Variants in TECPR2 observed in about 807,000 individuals in gnomAD.
The protein encoded by TECPR2 is tectonin beta-propeller repeat-containing protein 2.
In TECPR2, 65 loss-of-function variants were observed where a neutral mutation model predicts 138.1. The observed-to-expected ratio is 0.47, with a 90% confidence interval of 0.39 to 0.58. The LOEUF is 0.58. Ranked by LOEUF, TECPR2 falls within the 20% of genes least tolerant of loss-of-function variation. TECPR2 has a pLI of 0.00. For synonymous variants in TECPR2, 746 were observed against 749.8 expected, an observed-to-expected ratio of 0.99 and a Z score of 0.08; for missense variants, 1,553 against 1,824.5, an observed-to-expected ratio of 0.85 and a Z score of 2.71.
intron 17 of TECPR2, among the ~76,000 whole-genome samples, chr14:102,476,891 C>CA (rs1206735461): frequency 1.3e-5 from 2 of 151,462 alleles, no homozygotes; most frequent in Non-Finnish European, 2.9e-5. Context: ...CCCGTCTGTA[C>CA]AAAAAATACA....
At chr14:102,438,243 CGCTCG>C (rs781506165) in intron 10 of TECPR2, 38 bp downstream of exon 10, 10 of 1,389,814 alleles carry the variant, frequency 7.2e-6, no homozygotes, top group Non-Finnish European at 9.8e-6. Flanking sequence ...TCCCTGCTCC[CGCTCG>C]CCGCTCCTGC....
chr14:102,414,982 A>G (rs1595112365), intron 5 of TECPR2, among the ~76,000 whole-genome samples, 189 bp downstream of exon 5: 1 of 152,066 alleles, frequency 6.6e-6, no homozygotes, highest in African/African-American at 2.4e-5. Context: ...AGACAAGAAG[A>G]GTGTGTTCTT....
At chr14:102,372,689 G>C (rs931777123) in intron 1 of TECPR2, among the ~76,000 whole-genome samples, 3 of 152,128 alleles carry the variant, frequency 2.0e-5, no homozygotes, top group Non-Finnish European at 4.4e-5. Context: ...GGAGGCCAAG[G>C]TGGGTGGATC....
chr14:102,498,629 G>A lies in TECPR2; in HGVS notation c.*372G>A. ...CCAAGGGTAGCCGGGCAGCTGGTTT[G>A]GCCCAGGGCCTCCTTCCACATTAGT... On this transcript the variant is annotated 3_prime_UTR_variant, in exon 20 of 20. Coordinates refer to ENST00000359520, the MANE Select transcript of TECPR2 (RefSeq NM_014844.5). 2.5e-6 allele frequency: 1 copy of A among 406,290 alleles called. No homozygotes were observed. The highest frequency in any genetic ancestry group is 2.2e-5 in the South Asian group (1 of 46,140). 25.2% of individuals were successfully genotyped at this position (406,290 alleles called of 1,614,324 possible). A position where few individuals can be genotyped will look rare whatever the true frequency, so the allele number is the denominator to read the frequency against.
At chr14:102,398,837 C>T (rs1471475731) in intron 2 of TECPR2, among the ~76,000 whole-genome samples, 7 of 146,656 alleles carry the variant, frequency 4.8e-5, no homozygotes, top group Admixed American at 2.0e-4. Flanking sequence ...CCTGGCCTAC[C>T]GAATGAGACC....
In TECPR2 at chr14:102,434,782, C is replaced by G; in HGVS notation, c.1965C>G (p.Ser655Arg). Residue 655 changes from serine (S) to arginine (R), a missense_variant, in exon 9 of 20, where the codon AGC becomes AGG. Coordinates refer to ENST00000359520, the MANE Select transcript of TECPR2 (RefSeq NM_014844.5). ...CACTCACTGTGCCTTCCAGCCTCAG[C>G]TGGGCCCCAAGTGCTGAACAGTGGC... ...LNSLTVPSSL[S>R]WAPSAEQWLP... 1 of 1,613,396 alleles carries G rather than the reference C, an allele frequency of 6.2e-7. No individual in the cohort carries two copies. The highest frequency in any genetic ancestry group is 8.5e-7 in the Non-Finnish European group (1 of 1,180,034).
rs746250261 is a variant in TECPR2, at chr14:102,428,219, TTTG to T, written c.952-28_952-26del. 9.0e-4 allele frequency: 1,313 copies of T among 1,461,998 alleles called. 19 individuals carry two copies. The highest frequency in any genetic ancestry group is 1.2e-3 in the South Asian group (90 of 77,016). 90.6% of individuals were successfully genotyped at this position (1,461,998 alleles called of 1,614,324 possible). A position where few individuals can be genotyped will look rare whatever the true frequency, so the allele number is the denominator to read the frequency against. On this transcript the variant is annotated intron_variant, in intron 6 of 19. Coordinates refer to ENST00000359520, the MANE Select transcript of TECPR2 (RefSeq NM_014844.5). ...GTTACCGTTGTTTAGTTTTGTGTTT[TTTG>T]TTTTTTTTTTTTTTTTTTTTTTGAC...
chr14:102,432,692 C>T (rs1003234160), intron 8 of TECPR2, among the ~76,000 whole-genome samples: 5 of 151,108 alleles, frequency 3.3e-5, no homozygotes, highest in Non-Finnish European at 7.4e-5. Flanking sequence ...CCGCGCCTGG[C>T]ATAGTTTTTA....
chr14:102,487,922 A>G (rs1891071250), intron 17 of TECPR2, among the ~76,000 whole-genome samples: 1 of 145,880 alleles, frequency 6.9e-6, no homozygotes, highest in Non-Finnish European at 1.5e-5. Flanking sequence ...GCTCACCACA[A>G]CCTCTGCCTC....
chr14:102,371,659 G>A (rs1887512439), intron 1 of TECPR2, among the ~76,000 whole-genome samples: 1 of 152,152 alleles, frequency 6.6e-6, no homozygotes, highest in South Asian at 2.1e-4. Context: ...AGGCAGTTTG[G>A]CAATACATTT....
At chr14:102,373,025 A>G (rs115060426) in intron 1 of TECPR2, among the ~76,000 whole-genome samples, 1 of 152,210 alleles carries the variant, frequency 6.6e-6, no homozygotes. Flanking sequence ...ATGAGTATGT[A>G]TGTATGCACT....
rs1251921348 is a variant in TECPR2 at position 102,435,052 on chromosome 14, G to A, written c.2235G>A (p.Arg745=). 1.2e-6 allele frequency: 2 copies of A among 1,613,942 alleles called. No individual in the cohort carries two copies. The highest frequency in any genetic ancestry group is 2.7e-5 in the African/African-American group (2 of 74,940). Residue 745 remains arginine (R), a synonymous_variant, in exon 9 of 20, where the codon CGG becomes CGA. Transcript: ENST00000359520. ...THKPWLEQPP[R]DQTLTSSDEE... is the part of the protein sequence containing the mutation. Reference sequence around the variant, plus strand: ...AGCCCTGGCTTGAGCAGCCTCCACGGGATCAGACATTGACGTCCAGCGATG... The same window carrying A: ...AGCCCTGGCTTGAGCAGCCTCCACGAGATCAGACATTGACGTCCAGCGATG...
In TECPR2 at chr14:102,456,470, G is replaced by A. The variant is rs539722523; in HGVS notation, c.3640+3843G>A. On this transcript the variant is annotated intron_variant, in intron 16 of 19. Transcript: ENST00000359520. ...GGGCAAGGGAGGTGAACAGGCAACC[G>A]GGACTCCCAGGCTGTTCCTCTGCAC... 6.4e-4 allele frequency among the ~76,000 whole-genome samples: 97 copies of A among 152,160 alleles called. 1 individual carries two copies. Among genetic ancestry groups the A allele is most frequent in the African/African-American group, 2.2e-3 (91 of 41,522 alleles).
At chr14:102,428,215 GTTTTTTGTTTT>G in intron 6 of TECPR2, 24 bp from the exon 7 acceptor site, 1 of 1,309,488 alleles carries the variant, frequency 7.6e-7, no homozygotes, top group Admixed American at 3.6e-5. Context: ...TTAGTTTTGT[GTTTTTTGTTTT>G]TTTTTTTTTT....
At chr14:102,453,842 A>T (rs983894199) in intron 16 of TECPR2, among the ~76,000 whole-genome samples, 1 of 148,524 alleles carries the variant, frequency 6.7e-6, no homozygotes, top group Non-Finnish European at 1.5e-5. Flanking sequence ...AAAAAAAAGG[A>T]TGGGGAGAAA....
At chr14:102,459,428 C>A (rs1458895894) in intron 16 of TECPR2, among the ~76,000 whole-genome samples, 1 of 152,154 alleles carries the variant, frequency 6.6e-6, no homozygotes, top group Non-Finnish European at 1.5e-5. Context: ...AAATTCTCAT[C>A]TCTTGCTCTA....
At chr14:102,476,808 A>G (rs1349615853) in intron 17 of TECPR2, among the ~76,000 whole-genome samples, 1 of 152,202 alleles carries the variant, frequency 6.6e-6, no homozygotes, top group Non-Finnish European at 1.5e-5. Flanking sequence ...TAATCCCAAC[A>G]CTTTGGGAGG....
intron 1 of TECPR2, among the ~76,000 whole-genome samples, chr14:102,373,954 G>A (rs1444113151): frequency 3.3e-5 from 5 of 151,438 alleles, no homozygotes; most frequent in Non-Finnish European, 5.9e-5. Flanking sequence ...GGTGGCACAC[G>A]CCTGTAGTCC....
At chr14:102,453,841 G>A (rs74318331) in intron 16 of TECPR2, among the ~76,000 whole-genome samples, 2 of 150,900 alleles carry the variant, frequency 1.3e-5, no homozygotes, top group Non-Finnish European at 3.0e-5. Context: ...AAAAAAAAAG[G>A]ATGGGGAGAA....
Sources: allele counts gnomAD v4.1 joint callset (sites outside exome capture counted in the v4.1 genomes callset), GRCh38; gene constraint gnomAD v4.1.1; transcripts MANE v1.5; gene names NCBI Gene and HGNC (gene_info 2026-07-23, HGNC 2026-07-21).